BRCA1: variants seen among roughly 807,000 people sequenced by gnomAD.
BRCA1 encodes BRCA1 DNA repair associated.
BRCA1 carries 140 observed loss-of-function variants against 173.7 expected under a neutral mutation model. The observed-to-expected ratio is 0.81, with a 90% CI of 0.70 to 0.93. BRCA1 has a LOEUF of 0.93. Among genes scored for constraint, BRCA1 ranks in the 40% least tolerant of loss-of-function variants. The pLI is 0.00. For synonymous variants in BRCA1, 662 were observed against 756.0 expected, an observed-to-expected ratio of 0.88 and a Z score of 2.04; for missense variants, 1,983 against 2,172.5, an observed-to-expected ratio of 0.91 and a Z score of 1.73.
rs80357138 is a variant in BRCA1 at position 43,094,776 on chromosome 17, C to G, written c.755G>C (p.Arg252Pro). The change falls in exon 10 of 23, where the codon CGT becomes CCT. Residue 252 changes from arginine to proline, a missense_variant. Physicochemically the swap from Arg to Pro is moderately radical, Grantham distance 103. Coordinates refer to ENST00000357654, the MANE Select transcript of BRCA1 (RefSeq NM_007294.4). ...SNNDLNTTEK[R>P]AAERHPEKYQ... ...CTTTTCTGGATGCCTCTCAGCTGCA[C>G]GCTTCTCAGTGGTGTTCAAATCATT... 1 of 1,612,000 alleles carries G rather than the reference C, an allele frequency of 6.2e-7. No individual in the cohort carries two copies. The highest frequency in any genetic ancestry group is 8.5e-7 in the Non-Finnish European group (1 of 1,179,048).
intron 2 of BRCA1, among the ~76,000 whole-genome samples, chr17:43,119,687 ACT>A (rs1319386567): frequency 6.6e-6 from 1 of 152,098 alleles, no homozygotes; most frequent in African/African-American, 2.4e-5. Flanking sequence ...GACAAAGAAA[ACT>A]CTGATTGGTT....
rs572998625 is a variant in BRCA1 at position 43,149,423 on chromosome 17, C to T, written c.-20+20703G>A. On this transcript the variant is annotated intron_variant, in intron 1 of 7. Coordinates refer to the BRCA1 transcript ENST00000634433. The stretch of plus-strand genomic sequence containing the variant: ...CCAATTTTTGTATTTTTAGTAGAGA[C>T]GGGGTTTCACCATGTTGGCCAGGCT... Among the ~76,000 whole-genome samples, 473 of 150,722 alleles carry T rather than the reference C, an allele frequency of 3.1e-3. 1 individual carries two copies. Among genetic ancestry groups the T allele is most frequent in the Non-Finnish European group, 5.1e-3 (343 of 67,710 alleles).
intron 14 of BRCA1, among the ~76,000 whole-genome samples, chr17:43,071,731 C>CCACCAAGCCT (rs2052453464): frequency 3.3e-5 from 5 of 150,822 alleles, no homozygotes; most frequent in African/African-American, 1.2e-4. Context: ...GGGCCGAGCA[C>CCACCAAGCCT]GGTGGCTCAC....
intron 1 of BRCA1, among the ~76,000 whole-genome samples, chr17:43,146,620 A>G (rs1302475628): frequency 6.6e-6 from 1 of 151,900 alleles, no homozygotes; most frequent in African/African-American, 2.4e-5. Flanking sequence ...TTTTTGTTAC[A>G]TATGTTAAGA....
chr17:43,082,506 C>T lies in BRCA1; in HGVS notation c.4255G>A (p.Glu1419Lys), dbSNP rs80357309. ...TTAGAAGGCTGGCTCCCATGCTGTT[C>T]TAACACAGCTTCTAGTTCAGCCATT... ...QEMAELEAVL[E>K]QHGSQPSNSY... Residue 1419 changes from glutamate (E) to lysine (K), a missense_variant, in exon 12 of 23, where the codon GAA (glutamate) becomes AAA (lysine). Glu to Lys is a moderately conservative substitution (Grantham distance 56). Coordinates refer to ENST00000357654, the MANE Select transcript of BRCA1 (RefSeq NM_007294.4). The T allele has an allele frequency of 6.2e-7, 1 of 1,614,138 alleles. No individual in the cohort carries two copies. The highest frequency in any genetic ancestry group is 8.5e-7 in the Non-Finnish European group (1 of 1,180,016).
intron 1 of BRCA1, chr17:43,131,398 T>A (rs954739716): frequency 9.7e-6 from 3 of 309,652 alleles, no homozygotes; most frequent in Admixed American, 7.0e-5. Context: ...ATAATAATAA[T>A]AAAAACAATG....
intron 3 of BRCA1, among the ~76,000 whole-genome samples, chr17:43,114,641 G>A (rs565116707): frequency 3.2e-4 from 49 of 152,248 alleles, no homozygotes; most frequent in African/African-American, 1.1e-3. Context: ...TGTCTGGGGA[G>A]GGAACAGGGA....
rs191311966 is a variant in BRCA1 at position 43,107,288 on chromosome 17, C to G, written c.135-755G>C. 1.3e-4 allele frequency among the ~76,000 whole-genome samples: 19 copies of G among 151,838 alleles called. No homozygotes were observed. The East Asian group carries it at 3.5e-3, about 28-fold the overall frequency. ...CCATGTTAGCCAGGATGGTCTCCATCTCCTGACCTCGTGATCTGCCCGCCT... is the reference window on the plus strand; with the variant it reads ...CCATGTTAGCCAGGATGGTCTCCATGTCCTGACCTCGTGATCTGCCCGCCT... On this transcript the variant is annotated intron_variant, in intron 3 of 22. Coordinates refer to ENST00000357654, the MANE Select transcript of BRCA1 (RefSeq NM_007294.4).
At chr17:43,109,343 A>G (rs896666290) in intron 3 of BRCA1, among the ~76,000 whole-genome samples, 1 of 152,122 alleles carries the variant, frequency 6.6e-6, no homozygotes, top group Non-Finnish European at 1.5e-5. Flanking sequence ...ATCACACAGT[A>G]ATTAAGCAAT....
chr17:43,138,371 G>C (rs1048675796), intron 1 of BRCA1: 18 of 501,112 alleles, frequency 3.6e-5, no homozygotes, highest in African/African-American at 1.9e-4. Flanking sequence ...GTCGGTCCCA[G>C]GTGTTTCTCC....
At chr17:43,058,216 C>T (rs576188703) in intron 18 of BRCA1, among the ~76,000 whole-genome samples, 1 of 151,550 alleles carries the variant, frequency 6.6e-6, no homozygotes, top group Admixed American at 6.6e-5. Flanking sequence ...AAAAAAGATA[C>T]ATAAAACCTC....
At chr17:43,153,315 C>T (rs1006542249) in intron 1 of BRCA1, among the ~76,000 whole-genome samples, 18 of 152,176 alleles carry the variant, frequency 1.2e-4, no homozygotes, top group Non-Finnish European at 2.6e-4. Flanking sequence ...AGCTGAAGTC[C>T]TTTAAAAATT....
intron 1 of BRCA1, among the ~76,000 whole-genome samples, chr17:43,142,958 GTGTGTGTGTATATATA>G (rs1423954156): frequency 7.8e-6 from 1 of 128,926 alleles, no homozygotes; most frequent in Non-Finnish European, 1.7e-5. Context: ...ATATGTGTGT[GTGTGTGTGTATATATA>G]TGTGTGTATA....
chr17:43,147,047 C>T (rs2056127015), intron 1 of BRCA1, among the ~76,000 whole-genome samples: 1 of 152,108 alleles, frequency 6.6e-6, no homozygotes, highest in Admixed American at 6.5e-5. Context: ...TCTTGTTGCC[C>T]AGGCTAGAGT....
At chr17:43,103,087 G>A (rs1443026272) in intron 6 of BRCA1, among the ~76,000 whole-genome samples, 1 of 152,050 alleles carries the variant, frequency 6.6e-6, no homozygotes, top group Non-Finnish European at 1.5e-5. Context: ...ATTTCCAAAT[G>A]CTTAAAAATA....
At chr17:43,081,020 A>C (rs916023173) in intron 12 of BRCA1, among the ~76,000 whole-genome samples, 4 of 152,240 alleles carry the variant, frequency 2.6e-5, no homozygotes, top group Non-Finnish European at 4.4e-5. Context: ...TATCCAAAAC[A>C]ATTCAGAAAT....
chr17:43,144,806 A>G (rs1184227401), intron 1 of BRCA1: 1 of 398,540 alleles, frequency 2.5e-6, no homozygotes, highest in Non-Finnish European at 4.8e-6. Context: ...GGTTCATCTA[A>G]GGTCTGGAGT....
intron 1 of BRCA1, chr17:43,140,258 G>T: frequency 5.4e-6 from 1 of 185,766 alleles, no homozygotes; most frequent in South Asian, 9.7e-5. Flanking sequence ...CTCACCCTGT[G>T]TATCTCTTCA....
chr17:43,150,110 GTATT>G lies in BRCA1; in HGVS notation c.-20+20012_-20+20015del, dbSNP rs967914338. 1.1e-3 allele frequency among the ~76,000 whole-genome samples: 174 copies of G among 151,952 alleles called. 2 individuals carry two copies. The highest frequency in any genetic ancestry group is 3.9e-3 in the African/African-American group (163 of 41,476). ...CGGCAAGTTTCTTTTTACTTAATTT[GTATT>G]TATTTATTTATTTGAGACCGGGTCT... On this transcript the variant is annotated intron_variant, in intron 1 of 7. Coordinates refer to the BRCA1 transcript ENST00000634433.
Sources: allele counts gnomAD v4.1 joint callset (sites outside exome capture counted in the v4.1 genomes callset), GRCh38; gene constraint gnomAD v4.1.1; transcripts MANE v1.5; gene names NCBI Gene and HGNC (gene_info 2026-07-23, HGNC 2026-07-21).